RBFOX3: variants seen among roughly 807,000 people sequenced by gnomAD.
RBFOX3 encodes the protein RNA binding fox-1 homolog 3, also known as RNA binding protein fox-1 homolog 3.
A neutral mutation model predicts 48.7 loss-of-function variants in RBFOX3; 17 were observed. The ratio of observed to expected loss-of-function variants is 0.35; its 90% CI spans 0.24 to 0.52. RBFOX3 has a LOEUF of 0.52. Among genes scored for constraint, RBFOX3 ranks in the 20% least tolerant of loss-of-function variants. The pLI, the probability that RBFOX3 is intolerant of heterozygous loss-of-function variation, is 0.94. For synonymous variants in RBFOX3, 212 were observed against 209.5 expected, an observed-to-expected ratio of 1.01 and a Z score of -0.10; for missense variants, 382 against 497.5, an observed-to-expected ratio of 0.77 and a Z score of 2.21.
chr17:79,178,246 CCTT>C (rs754522722), intron 4 of RBFOX3, among the ~76,000 whole-genome samples: 2 of 152,222 alleles, frequency 1.3e-5, no homozygotes, highest in Non-Finnish European at 2.9e-5. Context: ...GAGACAGGAC[CCTT>C]CCGCTTTTCT....
intron 1 of RBFOX3, among the ~76,000 whole-genome samples, chr17:79,536,038 G>A (rs992267613): frequency 1.3e-5 from 2 of 152,150 alleles, no homozygotes; most frequent in African/African-American, 4.8e-5. Context: ...GATTTAAGCT[G>A]GTCTCACAGG....
intron 3 of RBFOX3, among the ~76,000 whole-genome samples, chr17:79,239,684 T>C (rs1252024898): frequency 6.6e-6 from 1 of 152,226 alleles, no homozygotes; most frequent in Non-Finnish European, 1.5e-5. Flanking sequence ...CCCACTAGAC[T>C]GTGATGCCCC....
At chr17:79,275,972 G>A (rs961572581) in intron 3 of RBFOX3, among the ~76,000 whole-genome samples, 11 of 152,142 alleles carry the variant, frequency 7.2e-5, no homozygotes, top group African/African-American at 1.9e-4. Context: ...GAAACAACCC[G>A]AATGTCATCA....
chr17:79,472,562 C>T (rs747441749), intron 2 of RBFOX3, among the ~76,000 whole-genome samples: 2 of 152,320 alleles, frequency 1.3e-5, no homozygotes, highest in South Asian at 2.1e-4. Flanking sequence ...TGACCATCTA[C>T]AAGCCAAAGA....
chr17:79,174,432 ACT>A (rs1339070498), intron 4 of RBFOX3, among the ~76,000 whole-genome samples: 1 of 151,832 alleles, frequency 6.6e-6, no homozygotes, highest in Admixed American at 6.6e-5. Flanking sequence ...ACTCACACAC[ACT>A]GACACAATGC....
rs1235798812 is a variant in RBFOX3 at position 79,252,672 on chromosome 17, G to A, written c.-73-16867C>T. Reference sequence around the variant, plus strand: ...GTTTCAAGCCGCTACGTTTGTTTGCGACGGCGGCACCTAATGCGGTCCTCT... The same window carrying A: ...GTTTCAAGCCGCTACGTTTGTTTGCAACGGCGGCACCTAATGCGGTCCTCT... On this transcript the variant is annotated intron_variant, in intron 3 of 14. Transcript: ENST00000693108. The surrounding 1 kb of genome is among the most constrained non-coding windows in gnomAD (Gnocchi z 4.0). Among the ~76,000 whole-genome samples the A allele has an allele frequency of 2.6e-5, 4 of 152,180 alleles. No individual in the cohort carries two copies. The highest frequency in any genetic ancestry group is 4.8e-5 in the African/African-American group (2 of 41,452).
chr17:79,394,913 G>A lies in RBFOX3; in HGVS notation c.-174-87089C>T, dbSNP rs185470764. ...GAGACGCAACACAGGCGCTCGGGGC[G>A]TGTGCAGGTGGGACGACGCAGAGAG... On this transcript the variant is annotated intron_variant, in intron 2 of 14. Coordinates refer to ENST00000693108, the MANE Select transcript of RBFOX3 (RefSeq NM_001350451.2). Among the ~76,000 whole-genome samples the A allele has an allele frequency of 1.4e-4, 21 of 152,348 alleles. No individual in the cohort carries two copies. In the East Asian group the frequency reaches 3.1e-3, roughly 22 times the overall value.
chr17:79,650,029 C>T, the RBFOX3 span, among the ~76,000 whole-genome samples: 3 of 152,188 alleles, frequency 2.0e-5, no homozygotes, highest in African/African-American at 7.2e-5. Flanking sequence ...TCCCACCAGG[C>T]CCCACCTCCA....
intron 3 of RBFOX3, among the ~76,000 whole-genome samples, chr17:79,272,057 C>T (rs567048251): frequency 2.0e-5 from 3 of 152,200 alleles, no homozygotes; most frequent in Non-Finnish European, 2.9e-5. Flanking sequence ...GTGGGAACGC[C>T]GAGGCTGAGA....
At chr17:79,546,818 C>T (rs1214814612) in intron 1 of RBFOX3, among the ~76,000 whole-genome samples, 3 of 151,922 alleles carry the variant, frequency 2.0e-5, no homozygotes, top group African/African-American at 4.8e-5. Context: ...TACAGTTATA[C>T]ACCACCACAC....
chr17:79,647,905 A>T, the RBFOX3 span, among the ~76,000 whole-genome samples: 1 of 149,366 alleles, frequency 6.7e-6, no homozygotes, highest in Non-Finnish European at 1.5e-5. Flanking sequence ...GACAGAGCCC[A>T]CCTGGGGGTG....
chr17:79,384,055 C>T (rs1026810454), intron 2 of RBFOX3, among the ~76,000 whole-genome samples: 6 of 152,282 alleles, frequency 3.9e-5, no homozygotes, highest in African/African-American at 9.6e-5. Context: ...AAGCGGGACT[C>T]GTGTGAGTTC....
chr17:79,380,718 C>CCT (rs2059799202), intron 2 of RBFOX3, among the ~76,000 whole-genome samples: 1 of 152,174 alleles, frequency 6.6e-6, no homozygotes, highest in South Asian at 2.1e-4. Context: ...AGCAATGGAT[C>CCT]CACAGTGGCC....
intron 2 of RBFOX3, among the ~76,000 whole-genome samples, chr17:79,405,020 A>G (rs940730550): frequency 2.6e-5 from 4 of 151,998 alleles, no homozygotes; most frequent in Non-Finnish European, 5.9e-5. Flanking sequence ...GGATGCTGGG[A>G]CTCCCAGACT....
chr17:79,198,607 CTGCTTT>C lies in RBFOX3; in HGVS notation c.-34+37153_-34+37158del, dbSNP rs754920482. ...ACTTTTAGAGATGTGAGAAGCCTCC[CTGCTTT>C]TGAACTTTCTCTCTCTCTTTTTTTT... On this transcript the variant is annotated intron_variant, in intron 4 of 14. Transcript: ENST00000693108. This position sits in a 1 kb window ranked among gnomAD's most constrained non-coding sequence, Gnocchi z 8.2. Among the ~76,000 whole-genome samples, 1 of 146,032 alleles carries C rather than the reference CTGCTTT, an allele frequency of 6.8e-6. No homozygotes were observed. The highest frequency in any genetic ancestry group is 1.5e-5 in the Non-Finnish European group (1 of 67,012).
chr17:79,551,547 A>T (rs1437998880), intron 1 of RBFOX3, among the ~76,000 whole-genome samples: 1 of 104,528 alleles, frequency 9.6e-6, no homozygotes, highest in Non-Finnish European at 2.3e-5. Flanking sequence ...GGGTGGGTGG[A>T]TGGATGGGCA....
intron 4 of RBFOX3, among the ~76,000 whole-genome samples, chr17:79,215,357 T>C (rs544777220): frequency 2.0e-5 from 3 of 152,336 alleles, no homozygotes; most frequent in Admixed American, 1.3e-4. Context: ...AATGTGACCG[T>C]GGTAGGAGAC....
chr17:79,439,173 G>C (rs1406738529), intron 2 of RBFOX3, among the ~76,000 whole-genome samples: 1 of 152,198 alleles, frequency 6.6e-6, no homozygotes, highest in Non-Finnish European at 1.5e-5. Context: ...GCTGTCGGCA[G>C]GTCTGGCCGT....
At chr17:79,429,970 G>C (rs1195455265) in intron 2 of RBFOX3, among the ~76,000 whole-genome samples, 2 of 152,158 alleles carry the variant, frequency 1.3e-5, no homozygotes, top group Non-Finnish European at 1.5e-5. Flanking sequence ...TGGGTGAGAG[G>C]ACAAAGGATG....
Sources: allele counts gnomAD v4.1 joint callset (sites outside exome capture counted in the v4.1 genomes callset), GRCh38; gene constraint gnomAD v4.1.1; non-coding constraint Gnocchi (gnomAD v3.1); transcripts MANE v1.5; gene names NCBI Gene and HGNC (gene_info 2026-07-23, HGNC 2026-07-21).